XKR4: variants seen among roughly 807,000 people sequenced by gnomAD.
XKR4 encodes the protein XK related 4, also known as XK-related protein 4.
Under a neutral mutation model 53.9 loss-of-function variants are expected in XKR4, and 12 were observed. That is an observed-to-expected ratio of 0.22 (90% CI 0.14 to 0.36). The LOEUF (loss-of-function observed/expected upper bound fraction) is 0.36, where lower values mean the gene tolerates loss of function less well. Ranked by LOEUF, XKR4 falls within the 10% of genes least tolerant of loss-of-function variation. The pLI, the probability that XKR4 is intolerant of heterozygous loss-of-function variation, is 1.00. For missense variants in XKR4, 799 were observed against 859.5 expected (o/e 0.93, Z 0.88); for synonymous variants, 354 against 362.4 (o/e 0.98, Z 0.26).
chr8:55,477,583 A>G (rs1287079881), intron 2 of XKR4, among the ~76,000 whole-genome samples: 2 of 152,174 alleles, frequency 1.3e-5, no homozygotes, highest in African/African-American at 4.8e-5. Flanking sequence ...TGAGAGAAGA[A>G]GGCTTCAGAT....
intron 1 of XKR4, among the ~76,000 whole-genome samples, chr8:55,322,238 G>A (rs564171215): frequency 1.2e-4 from 18 of 152,118 alleles, no homozygotes; most frequent in African/African-American, 3.4e-4. Context: ...TTCTTAACTC[G>A]CTTTTTCACT....
chr8:55,284,212 A>T (rs187371187), intron 1 of XKR4, among the ~76,000 whole-genome samples: 1 of 152,356 alleles, frequency 6.6e-6, no homozygotes, highest in African/African-American at 2.4e-5. Context: ...CAGAAATTAT[A>T]TCAATAAATT....
chr8:55,264,384 T>C (rs911899236), intron 1 of XKR4, among the ~76,000 whole-genome samples: 1 of 152,244 alleles, frequency 6.6e-6, no homozygotes, highest in African/African-American at 2.4e-5. Context: ...TTGTTCACTG[T>C]TGTATCTACT....
intron 1 of XKR4, among the ~76,000 whole-genome samples, chr8:55,180,657 G>A (rs569457401): frequency 2.6e-5 from 4 of 151,884 alleles, no homozygotes; most frequent in Admixed American, 6.6e-5. Flanking sequence ...TCAGCCTCCC[G>A]AGCAGCTGGG....
At chr8:55,518,556 G>T (rs997671021) in intron 2 of XKR4, among the ~76,000 whole-genome samples, 31 of 152,176 alleles carry the variant, frequency 2.0e-4, no homozygotes, top group African/African-American at 7.2e-4. Flanking sequence ...TGGGATCCAT[G>T]CTCTTAAGGA....
intron 1 of XKR4, among the ~76,000 whole-genome samples, chr8:55,212,550 A>G (rs982001639): frequency 6.6e-6 from 1 of 152,184 alleles, no homozygotes; most frequent in East Asian, 1.9e-4. Context: ...CCTACCATCT[A>G]TTCCCATCAT....
At position 55,527,407 on chromosome 8, in the gene XKR4, T is replaced by C. The variant is rs1412287407; in HGVS notation, c.*3180T>C. ...GATCTGCTCTTACTCACTTTTTGCATAGGATCAGGAAATTTTCTAAAGGAA... is the reference window on the plus strand; with the variant it reads ...GATCTGCTCTTACTCACTTTTTGCACAGGATCAGGAAATTTTCTAAAGGAA... On this transcript the variant is annotated 3_prime_UTR_variant, in exon 3 of 3. Transcript: ENST00000327381. 1.3e-5 allele frequency: 2 copies of C among 152,194 alleles called. No individual in the cohort carries two copies. Among genetic ancestry groups the C allele is most frequent in the Non-Finnish European group, 2.9e-5 (2 of 68,032 alleles). 9.4% of individuals were successfully genotyped at this position (152,194 alleles called of 1,614,324 possible).
intron 1 of XKR4, among the ~76,000 whole-genome samples, chr8:55,221,453 G>T (rs771913298): frequency 3.4e-4 from 52 of 152,082 alleles, no homozygotes; most frequent in Admixed American, 1.3e-4. Flanking sequence ...TTGAGAGCAG[G>T]GTGTGGCGGT....
rs74750886 is a variant in XKR4, at chr8:55,132,660, G to C, written c.806+29366G>C. On this transcript the variant is annotated intron_variant, in intron 1 of 2. Transcript: ENST00000327381. Reference sequence around the variant, plus strand: ...ATTAACCTCTGCACTAGAATCCCGTGTCAGAAATTGAGCTCGTCAGACCAT... The same window carrying C: ...ATTAACCTCTGCACTAGAATCCCGTCTCAGAAATTGAGCTCGTCAGACCAT... Among the ~76,000 whole-genome samples, 585 of 152,238 alleles carry C rather than the reference G, an allele frequency of 3.8e-3. 6 individuals carry two copies. The highest frequency in any genetic ancestry group is 0.014 in the African/African-American group (563 of 41,532).
intron 1 of XKR4, among the ~76,000 whole-genome samples, chr8:55,332,426 A>G (rs1215491108): frequency 1.6e-4 from 25 of 152,044 alleles, no homozygotes; most frequent in Non-Finnish European, 3.2e-4. Context: ...TCAAGTTACC[A>G]TCTTGCATCC....
intron 2 of XKR4, among the ~76,000 whole-genome samples, chr8:55,509,408 A>T (rs958490521): frequency 5.9e-5 from 9 of 152,114 alleles, no homozygotes; most frequent in African/African-American, 2.2e-4. Flanking sequence ...TGGTTCTGTC[A>T]GTAAATTTCT....
intron 1 of XKR4, among the ~76,000 whole-genome samples, chr8:55,161,803 A>C (rs563156181): frequency 1.6e-4 from 24 of 152,344 alleles, no homozygotes; most frequent in African/African-American, 4.1e-4. Flanking sequence ...TGTGCTTAGC[A>C]AAGTTAAGTA....
intron 2 of XKR4, among the ~76,000 whole-genome samples, chr8:55,506,865 T>C (rs1236638102): frequency 1.3e-5 from 2 of 152,252 alleles, no homozygotes; most frequent in Non-Finnish European, 2.9e-5. Context: ...GGTTCACTGC[T>C]GACAGAATAT....
intron 2 of XKR4, among the ~76,000 whole-genome samples, chr8:55,481,509 T>C (rs1304041436): frequency 6.6e-6 from 1 of 152,074 alleles, no homozygotes; most frequent in South Asian, 2.1e-4. Flanking sequence ...GTCTAAAACA[T>C]CAAAAGCAAT....
chr8:55,130,059 A>T (rs1159478523), intron 1 of XKR4, among the ~76,000 whole-genome samples: 1 of 152,214 alleles, frequency 6.6e-6, no homozygotes, highest in Non-Finnish European at 1.5e-5. Context: ...GGTTGAAATC[A>T]TCACTTAAGA....
At chr8:55,257,646 A>G (rs1255816241) in intron 1 of XKR4, among the ~76,000 whole-genome samples, 1 of 152,184 alleles carries the variant, frequency 6.6e-6, no homozygotes, top group Non-Finnish European at 1.5e-5. Context: ...TCAATATTAT[A>G]TGTGTATACT....
chr8:55,515,157 C>T (rs2658931), intron 2 of XKR4, among the ~76,000 whole-genome samples: 142,562 of 152,318 alleles, frequency 0.94, 66,824 homozygotes, highest in East Asian at 1. Flanking sequence ...TCAGCAGACT[C>T]ACAATTTGCC....
intron 1 of XKR4, among the ~76,000 whole-genome samples, chr8:55,115,359 A>T (rs1184765151): frequency 6.8e-6 from 1 of 147,258 alleles, no homozygotes. Flanking sequence ...TGTTGCTTGG[A>T]AACTTAACAG....
chr8:55,207,153 C>G (rs1817661718), intron 1 of XKR4, among the ~76,000 whole-genome samples: 1 of 152,182 alleles, frequency 6.6e-6, no homozygotes, highest in Non-Finnish European at 1.5e-5. Context: ...GTTCTCGTCT[C>G]CCCTGCCTCA....
Sources: allele counts gnomAD v4.1 joint callset (sites outside exome capture counted in the v4.1 genomes callset), GRCh38; gene constraint gnomAD v4.1.1; transcripts MANE v1.5; gene names NCBI Gene and HGNC (gene_info 2026-07-23, HGNC 2026-07-21).